ZFYVE9: variants seen among roughly 807,000 people sequenced by gnomAD.
The protein encoded by ZFYVE9 is zinc finger FYVE-type containing 9.
A neutral mutation model predicts 126.7 loss-of-function variants in ZFYVE9; 43 were observed. The ratio of observed to expected loss-of-function variants is 0.34; its 90% CI spans 0.27 to 0.44. The LOEUF (loss-of-function observed/expected upper bound fraction) is 0.44, where lower values mean the gene tolerates loss of function less well. Among genes scored for constraint, ZFYVE9 ranks in the 20% least tolerant of loss-of-function variants. The probability of loss-of-function intolerance (pLI) is 1.00; values close to 1 mark genes in which losing one functional copy is unlikely to be tolerated. For synonymous variants in ZFYVE9, 521 were observed against 597.4 expected, an observed-to-expected ratio of 0.87 and a Z score of 1.87; for missense variants, 1,476 against 1,697.0, an observed-to-expected ratio of 0.87 and a Z score of 2.29.
At chr1:52,242,661 A>G (rs1188837346) in intron 4 of ZFYVE9, among the ~76,000 whole-genome samples, 1 of 152,150 alleles carries the variant, frequency 6.6e-6, no homozygotes, top group Non-Finnish European at 1.5e-5. Flanking sequence ...TTCCTACTTA[A>G]GAACAGATTC....
chr1:52,259,882 A>C (rs924744885), intron 4 of ZFYVE9, among the ~76,000 whole-genome samples: 1 of 152,216 alleles, frequency 6.6e-6, no homozygotes, highest in Non-Finnish European at 1.5e-5. Flanking sequence ...CAATCGGTAC[A>C]TACAGAACTA....
intron 13 of ZFYVE9, among the ~76,000 whole-genome samples, chr1:52,331,576 C>G (rs923762207): frequency 1.3e-5 from 2 of 151,222 alleles, no homozygotes; most frequent in Non-Finnish European, 2.9e-5. Context: ...CACGGTGAAA[C>G]CTTGTCTCTA....
intron 1 of ZFYVE9, among the ~76,000 whole-genome samples, chr1:52,187,738 A>G (rs1572085931): frequency 6.6e-6 from 1 of 152,340 alleles, no homozygotes; most frequent in East Asian, 1.9e-4. Context: ...AATGCAAACC[A>G]AAACCTCAGT....
intron 1 of ZFYVE9, among the ~76,000 whole-genome samples, chr1:52,203,283 G>A (rs1288880903): frequency 5.5e-4 from 83 of 151,908 alleles, no homozygotes; most frequent in South Asian, 2.1e-4. Context: ...CCAGGCTCAA[G>A]TGATACTCCT....
chr1:52,232,621 G>A (rs1189004916), intron 2 of ZFYVE9, among the ~76,000 whole-genome samples: 1 of 151,536 alleles, frequency 6.6e-6, no homozygotes, highest in Admixed American at 6.6e-5. Context: ...CCAGCTACTT[G>A]GGAGGCTAAA....
intron 1 of ZFYVE9, among the ~76,000 whole-genome samples, chr1:52,192,210 AATCT>A (rs991728678): frequency 1.3e-5 from 2 of 152,210 alleles, no homozygotes; most frequent in Non-Finnish European, 2.9e-5. Flanking sequence ...CAGAGATGGC[AATCT>A]ATCCTATAAA....
At chr1:52,263,972 AC>A (rs1168881437) in intron 5 of ZFYVE9, 100 bp downstream of exon 5, 3 of 596,768 alleles carry the variant, frequency 5.0e-6, no homozygotes, top group Non-Finnish European at 8.3e-6. Flanking sequence ...CAAGTTGCTC[AC>A]CTTCTCAAAT....
intron 17 of ZFYVE9, among the ~76,000 whole-genome samples, chr1:52,344,358 A>T (rs1646466157): frequency 6.6e-6 from 1 of 152,242 alleles, no homozygotes. Flanking sequence ...TAATTGTAAA[A>T]TAAAGCAGCT....
At chr1:52,213,913 G>A (rs1645049658) in intron 1 of ZFYVE9, among the ~76,000 whole-genome samples, 1 of 152,084 alleles carries the variant, frequency 6.6e-6, no homozygotes, top group African/African-American at 2.4e-5. Flanking sequence ...TAAGGGCTTA[G>A]GTGAGGTGTG....
chr1:52,273,720 C>T (rs534588303), intron 7 of ZFYVE9, among the ~76,000 whole-genome samples: 8 of 149,020 alleles, frequency 5.4e-5, no homozygotes, highest in African/African-American at 7.4e-5. Context: ...CCCAGCTACT[C>T]GGGAGGCTGA....
intron 13 of ZFYVE9, 26 bp from the exon 14 acceptor site, chr1:52,332,742 G>A (rs1291527929): frequency 2.5e-6 from 4 of 1,608,444 alleles, no homozygotes; most frequent in Non-Finnish European, 2.5e-6. Flanking sequence ...ATTCTTGTCA[G>A]AATAAGGTTA....
At chr1:52,292,535 A>G (rs937776853) in intron 10 of ZFYVE9, among the ~76,000 whole-genome samples, 1 of 144,876 alleles carries the variant, frequency 6.9e-6, no homozygotes, top group Non-Finnish European at 1.5e-5. Flanking sequence ...GCAGTGGCAC[A>G]ATCTTGGCTC....
intron 7 of ZFYVE9, among the ~76,000 whole-genome samples, chr1:52,269,105 C>T (rs1393560799): frequency 1.3e-5 from 2 of 152,178 alleles, no homozygotes; most frequent in African/African-American, 4.8e-5. Context: ...GTAGCCAACC[C>T]AAGTCCACAT....
intron 13 of ZFYVE9, among the ~76,000 whole-genome samples, chr1:52,314,498 A>G (rs1235848882): frequency 1.3e-5 from 2 of 152,202 alleles, no homozygotes; most frequent in Non-Finnish European, 2.9e-5. Flanking sequence ...ACTGGCTAAC[A>G]TGGTGAAAGC....
intron 10 of ZFYVE9, among the ~76,000 whole-genome samples, chr1:52,286,110 C>T (rs974770174): frequency 6.6e-6 from 1 of 150,784 alleles, no homozygotes; most frequent in African/African-American, 2.4e-5. Flanking sequence ...GAGCCAAGAT[C>T]GTGCCATTGC....
At position 52,278,483 on chromosome 1, in the gene ZFYVE9, C is replaced by G. The variant is rs763149714; in HGVS notation, c.2747-9C>G. On this transcript the variant is annotated splice_polypyrimidine_tract_variant and intron_variant, in intron 8 of 18. Transcript: ENST00000287727. ...AACCAATCTATTACATTGTTTTCTC[C>G]CCTTTCAGACTATGCTGTGGAAGAG... The G allele has an allele frequency of 6.2e-7, 1 of 1,613,850 alleles. No individual in the cohort carries two copies. The highest frequency in any genetic ancestry group is 1.7e-5 in the Admixed American group (1 of 59,980).
At chr1:52,197,645 T>G (rs959404183) in intron 1 of ZFYVE9, among the ~76,000 whole-genome samples, 1 of 144,854 alleles carries the variant, frequency 6.9e-6, no homozygotes, top group African/African-American at 2.6e-5. Context: ...ACACAAGTCA[T>G]GGAAGAAGAG....
rs776507508 is a variant in ZFYVE9 at position 52,332,928 on chromosome 1, T to C, written c.3589+10T>C. 5 of 1,613,918 alleles carry C rather than the reference T, an allele frequency of 3.1e-6. No individual in the cohort carries two copies. Among genetic ancestry groups the C allele is most frequent in the Middle Eastern group, 3.3e-4 (2 of 6,084 alleles). ...AATCAGCCCAGAAAAGGTGAGCATT[T>C]GAGCTGGTTGAGATTATGATAATGG... On this transcript the variant is annotated intron_variant, in intron 14 of 18. Transcript: ENST00000287727.
rs749316478 is a variant in ZFYVE9, at chr1:52,238,066, A to C, written c.649A>C (p.Asn217His). The change falls in exon 4 of 19, where the codon AAT (asparagine) becomes CAT (histidine). Residue 217 changes from asparagine to histidine, a missense_variant. By Grantham distance (68) the Asn-to-His change is moderately conservative. This residue lies in a region of ZFYVE9 where 807 missense variants were observed against 794.6 expected (regional missense o/e 1.02). Transcript: ENST00000287727. ...MNSEKQMDPL[N>H]RPKTEGRSVN... The stretch of plus-strand genomic sequence containing the variant: ...TTCAGAGAAACAAATGGATCCATTG[A>C]ATAGACCGAAAACAGAGGGGAGATC... 2 of 1,614,080 alleles carry C rather than the reference A, an allele frequency of 1.2e-6. No homozygotes were observed. The highest frequency in any genetic ancestry group is 8.5e-7 in the Non-Finnish European group (1 of 1,179,966).
Sources: allele counts gnomAD v4.1 joint callset (sites outside exome capture counted in the v4.1 genomes callset), GRCh38; gene constraint gnomAD v4.1.1; regional missense constraint gnomAD v4.1.1; transcripts MANE v1.5; gene names NCBI Gene and HGNC (gene_info 2026-07-23, HGNC 2026-07-21).